FSTL4: variants seen among roughly 807,000 people sequenced by gnomAD.
FSTL4 encodes the protein follistatin-related protein 4.
FSTL4 carries 28 observed loss-of-function variants against 78.2 expected under a neutral mutation model. The observed-to-expected ratio is 0.36, with a 90% CI of 0.27 to 0.49. FSTL4 has a LOEUF of 0.49. FSTL4 is among the 20% of genes least tolerant of loss of function. The probability of loss-of-function intolerance (pLI) is 0.98; values close to 1 mark genes in which losing one functional copy is unlikely to be tolerated. For synonymous variants in FSTL4, 422 were observed against 440.5 expected, an observed-to-expected ratio of 0.96 and a Z score of 0.53; for missense variants, 922 against 1,084.9, an observed-to-expected ratio of 0.85 and a Z score of 2.11.
chr5:133,523,130 A>C (rs1389930853), intron 3 of FSTL4, among the ~76,000 whole-genome samples: 1 of 152,192 alleles, frequency 6.6e-6, no homozygotes, highest in Non-Finnish European at 1.5e-5. Flanking sequence ...TGTCCTTATA[A>C]GAAGAGACGC....
At chr5:133,797,918 C>T in the FSTL4 span, among the ~76,000 whole-genome samples, 3 of 152,276 alleles carry the variant, frequency 2.0e-5, no homozygotes, top group East Asian at 5.8e-4. Context: ...TAAAAACAAC[C>T]TCGTGGCCCC....
chr5:133,436,097 T>G (rs752077713), intron 3 of FSTL4, among the ~76,000 whole-genome samples: 5 of 152,244 alleles, frequency 3.3e-5, no homozygotes, highest in Non-Finnish European at 7.3e-5. Context: ...GAGGGTATTC[T>G]AAGTATAGTA....
the FSTL4 span, among the ~76,000 whole-genome samples, chr5:133,682,832 T>A: frequency 6.6e-6 from 1 of 152,154 alleles, no homozygotes; most frequent in Non-Finnish European, 1.5e-5. Flanking sequence ...TTCCTTAGGA[T>A]CCATGTGTTG....
the FSTL4 span, among the ~76,000 whole-genome samples, chr5:133,839,299 T>C: frequency 1.8e-4 from 27 of 152,242 alleles, no homozygotes; most frequent in African/African-American, 5.5e-4. Flanking sequence ...TGGTCCACTC[T>C]ACCTTTGCTT....
At chr5:133,334,447 G>A (rs1484385473) in intron 4 of FSTL4, among the ~76,000 whole-genome samples, 1 of 152,080 alleles carries the variant, frequency 6.6e-6, no homozygotes, top group Non-Finnish European at 1.5e-5. Flanking sequence ...CTGAGTAGTG[G>A]GTATGCTTGG....
At chr5:133,495,366 G>A (rs1758348355) in intron 3 of FSTL4, among the ~76,000 whole-genome samples, 1 of 152,222 alleles carries the variant, frequency 6.6e-6, no homozygotes, top group Non-Finnish European at 1.5e-5. Flanking sequence ...GGCACACCCA[G>A]GAGGCAGCTG....
At chr5:133,470,170 T>G (rs916551460) in intron 3 of FSTL4, among the ~76,000 whole-genome samples, 4 of 152,114 alleles carry the variant, frequency 2.6e-5, no homozygotes, top group African/African-American at 9.7e-5. Flanking sequence ...GTGCTGTCCT[T>G]ACTTCCGTAT....
chr5:133,346,720 G>A (rs1304963222), intron 4 of FSTL4, among the ~76,000 whole-genome samples: 2 of 151,942 alleles, frequency 1.3e-5, no homozygotes, highest in African/African-American at 4.8e-5. Context: ...GTAATTTCCT[G>A]CTCTTAAGTT....
At chr5:133,571,832 T>C (rs1025546036) in intron 2 of FSTL4, among the ~76,000 whole-genome samples, 1 of 152,062 alleles carries the variant, frequency 6.6e-6, no homozygotes, top group Non-Finnish European at 1.5e-5. Flanking sequence ...CAGTAAAAAT[T>C]AACCACACAG....
chr5:133,810,589 G>A, the FSTL4 span, among the ~76,000 whole-genome samples: 1 of 152,206 alleles, frequency 6.6e-6, no homozygotes, highest in Non-Finnish European at 1.5e-5. Context: ...GAGAGAGAAA[G>A]GGGCGCCCAA....
At chr5:133,206,267 A>C (rs956028462) in intron 14 of FSTL4, among the ~76,000 whole-genome samples, 4 of 152,094 alleles carry the variant, frequency 2.6e-5, no homozygotes, top group Admixed American at 1.3e-4. Flanking sequence ...CTCTTTTCAT[A>C]AGTCAGTCAG....
At chr5:133,698,680 A>G in the FSTL4 span, among the ~76,000 whole-genome samples, 8 of 152,376 alleles carry the variant, frequency 5.3e-5, no homozygotes, top group African/African-American at 1.7e-4. Context: ...GGCTCCATAC[A>G]TGGGAGATGC....
At chr5:133,694,158 A>G in the FSTL4 span, among the ~76,000 whole-genome samples, 1 of 152,188 alleles carries the variant, frequency 6.6e-6, no homozygotes, top group Non-Finnish European at 1.5e-5. Flanking sequence ...AGCCATGAAA[A>G]GCATCAACTG....
At chr5:133,609,273 G>A (rs1378405561) in intron 1 of FSTL4, among the ~76,000 whole-genome samples, 1 of 152,126 alleles carries the variant, frequency 6.6e-6, no homozygotes, top group Non-Finnish European at 1.5e-5. Flanking sequence ...AAAAGTGTCT[G>A]CCCTACACAC....
At chr5:133,561,222 T>C (rs1408729294) in intron 3 of FSTL4, among the ~76,000 whole-genome samples, 1 of 151,948 alleles carries the variant, frequency 6.6e-6, no homozygotes, top group Non-Finnish European at 1.5e-5. Flanking sequence ...ACTGGCTTAC[T>C]TGAGAAAGGC....
the FSTL4 span, among the ~76,000 whole-genome samples, chr5:133,757,216 G>A: frequency 6.6e-6 from 1 of 151,960 alleles, no homozygotes; most frequent in African/African-American, 2.4e-5. Flanking sequence ...CCACATTAAA[G>A]AATAAAAAGG....
intron 4 of FSTL4, among the ~76,000 whole-genome samples, chr5:133,347,490 G>A (rs1446750009): frequency 2.0e-5 from 3 of 152,174 alleles, no homozygotes; most frequent in Non-Finnish European, 4.4e-5. Context: ...GGGACAACAG[G>A]CGTGTGCCAC....
At chr5:133,269,079 G>A (rs1482030750) in intron 6 of FSTL4, among the ~76,000 whole-genome samples, 3 of 151,854 alleles carry the variant, frequency 2.0e-5, no homozygotes, top group Non-Finnish European at 4.4e-5. Context: ...CTACTCGGGA[G>A]GCTGAGGTAG....
intron 3 of FSTL4, among the ~76,000 whole-genome samples, chr5:133,479,933 C>G (rs1413954790): frequency 6.6e-6 from 1 of 152,120 alleles, no homozygotes; most frequent in Non-Finnish European, 1.5e-5. Context: ...GGGAAATGCA[C>G]AGCAGTGTGG....
Sources: allele counts gnomAD v4.1 joint callset (sites outside exome capture counted in the v4.1 genomes callset), GRCh38; gene constraint gnomAD v4.1.1; transcripts MANE v1.5; gene names NCBI Gene and HGNC (gene_info 2026-07-23, HGNC 2026-07-21).